Variants in ITFG2 observed in about 807,000 individuals in gnomAD.
ITFG2 encodes the protein integrin alpha FG-GAP repeat containing 2.
Under a neutral mutation model 54.4 loss-of-function variants are expected in ITFG2, and 36 were observed. The observed-to-expected ratio is 0.66, with a 90% CI of 0.51 to 0.87. The LOEUF (loss-of-function observed/expected upper bound fraction) is 0.87, where lower values mean the gene tolerates loss of function less well. Ranked by LOEUF, ITFG2 falls within the 40% of genes least tolerant of loss-of-function variation. The pLI is 0.00. For missense variants in ITFG2, 524 were observed against 576.7 expected, an observed-to-expected ratio of 0.91 and a Z score of 0.94; for synonymous variants, 211 against 225.4, an observed-to-expected ratio of 0.94 and a Z score of 0.57.
At chr12:2,841,751 C>T (rs1162267465) in intron 2 of ITFG2, among the ~76,000 whole-genome samples, 1 of 151,994 alleles carries the variant, frequency 6.6e-6, no homozygotes, top group Non-Finnish European at 1.5e-5. Flanking sequence ...CAGAGTCTCA[C>T]CCTGTCACCC....
At chr12:2,816,700 G>A (rs1362355061) in intron 1 of ITFG2, among the ~76,000 whole-genome samples, 1 of 142,340 alleles carries the variant, frequency 7.0e-6, no homozygotes, top group East Asian at 2.0e-4. Context: ...GTACAGTGGT[G>A]CAGTCTTGCT....
At chr12:2,828,181 CTCTGCCAGAG>C (rs2097979259), downstream of ITFG2, 2 of 1,164,630 alleles carry the variant, frequency 1.7e-6, no homozygotes, top group Non-Finnish European at 2.5e-6. Flanking sequence ...TCCTTGCCTT[CTCTGCCAGAG>C]TCTTCTAGCC....
At chr12:2,859,614 C>T in exon 4 of ITFG2, 1 of 1,612,674 alleles carries the variant, frequency 6.2e-7, no homozygotes, top group Non-Finnish European at 8.5e-7. Context: ...CTCCTCTTTC[C>T]CTGGTCCTGC....
Position 2,817,205 on chromosome 12 carries a change from TTC to T in ITFG2, c.97-11_97-10del, listed in dbSNP as rs1355665703. On this transcript the variant is annotated splice_polypyrimidine_tract_variant and intron_variant, in intron 1 of 11. Coordinates refer to ENST00000228799, the MANE Select transcript of ITFG2 (RefSeq NM_018463.4). Reference sequence around the variant, plus strand: ...AGCAGAGTCCCATCCTAACGCTTTCTTCTCTCTCCATTTGAAGTTAAATGAAC... The same window carrying T: ...AGCAGAGTCCCATCCTAACGCTTTCTTCTCTCCATTTGAAGTTAAATGAAC... The T allele has an allele frequency of 1.3e-6, 2 of 1,577,226 alleles. No individual in the cohort carries two copies. The highest frequency in any genetic ancestry group is 8.7e-7 in the Non-Finnish European group (1 of 1,147,646).
intron 3 of ITFG2, chr12:2,859,298 A>T (rs866753485): frequency 6.2e-7 from 1 of 1,613,392 alleles, no homozygotes; most frequent in Middle Eastern, 1.6e-4. Context: ...GTTTTCTCCG[A>T]GACCGGCTCC....
intron 3 of ITFG2, chr12:2,859,455 G>T: frequency 6.2e-7 from 1 of 1,613,974 alleles, no homozygotes. Flanking sequence ...TTTGAAAGAT[G>T]GGGCCGGGGA....
upstream of ITFG2, among the ~76,000 whole-genome samples, chr12:2,834,123 A>G (rs2098016489): frequency 6.6e-6 from 1 of 152,160 alleles, no homozygotes; most frequent in South Asian, 2.1e-4. Flanking sequence ...GGGGAGCAGC[A>G]CTCAAGGCGG....
At position 2,845,922 on chromosome 12, in the gene ITFG2, A is replaced by G. The variant is rs2098052210; in HGVS notation, n.300+4927A>G. ...TCACTGTATTCCCCAGGCTGGTCTG[A>G]AACTCCTGGGCTCAAGCGATCCTCC... is the stretch of plus-strand genomic sequence containing the variant. On this transcript the variant is annotated intron_variant and non_coding_transcript_variant, in intron 2 of 3. Coordinates refer to the ITFG2 transcript ENST00000537710. The surrounding 1 kb of genome is among the most constrained non-coding windows in gnomAD (Gnocchi z 4.2). Among the ~76,000 whole-genome samples, 1 of 151,934 alleles carries G rather than the reference A, an allele frequency of 6.6e-6. No homozygotes were observed. Among genetic ancestry groups the G allele is most frequent in the South Asian group, 2.1e-4 (1 of 4,818 alleles).
chr12:2,835,156 C>CGTTTGTGTGTGTGTGTGTGT, upstream of ITFG2: 2 of 1,299,384 alleles, frequency 1.5e-6, no homozygotes, highest in East Asian at 7.7e-5. Context: ...GTGGATGGGG[C>CGTTTGTGTGTGTGTGTGTGT]GTATGTGTGT....
chr12:2,820,623 C>A, intron 5 of ITFG2, 101 bp from the exon 6 acceptor site: 1 of 362,822 alleles, frequency 2.8e-6, no homozygotes, highest in South Asian at 2.3e-5. Flanking sequence ...TGCTGCCCTG[C>A]CCCTGCCCCC....
rs754297850 is a variant in ITFG2 at position 2,821,365 on chromosome 12, AGT to A, written c.793+10_793+11del. 3.1e-6 allele frequency: 5 copies of A among 1,602,860 alleles called. No homozygotes were observed. The highest frequency in any genetic ancestry group is 1.7e-4 in the Middle Eastern group (1 of 6,000). On this transcript the variant is annotated splice_region_variant and intron_variant, in intron 7 of 11. Transcript: ENST00000228799. The stretch of plus-strand genomic sequence containing the variant: ...AATTGGCAACATCAAACAAGGTGAA[AGT>A]GTGGTGGGTGTGAGGGAGGGAGATG...
chr12:2,858,735 C>A, intron 3 of ITFG2: 2 of 1,614,204 alleles, frequency 1.2e-6, no homozygotes, highest in Non-Finnish European at 1.7e-6. Context: ...CAGGATCTTG[C>A]TGAGGCTGTC....
chr12:2,826,650 G>T (rs2097968679), downstream of ITFG2: 1 of 158,624 alleles, frequency 6.3e-6, no homozygotes, highest in African/African-American at 2.4e-5. Context: ...CCCGCTCTTT[G>T]TTGTATTGAA....
At chr12:2,816,330 CTT>C (rs34665036) in intron 1 of ITFG2, among the ~76,000 whole-genome samples, 63 of 120,372 alleles carry the variant, frequency 5.2e-4, no homozygotes, top group Admixed American at 2.4e-3. Context: ...CGCACACAGC[CTT>C]TTTTTTTTTT....
At chr12:2,836,867 G>C (rs1347539758) in exon 1 of ITFG2, 2 of 152,270 alleles carry the variant, frequency 1.3e-5, no homozygotes, top group South Asian at 4.1e-4. Flanking sequence ...AGAAGCCAGG[G>C]GAGAGGCGTG....
At chr12:2,843,690 A>C (rs1432175825) in intron 2 of ITFG2, among the ~76,000 whole-genome samples, 1 of 152,064 alleles carries the variant, frequency 6.6e-6, no homozygotes, top group Non-Finnish European at 1.5e-5. Context: ...GCGTGCGCCC[A>C]TAGTCCCAGC....
At chr12:2,858,656 A>G (rs2098097745) in intron 3 of ITFG2, 1 of 1,613,982 alleles carries the variant, frequency 6.2e-7, no homozygotes, top group East Asian at 2.2e-5. Context: ...GCTCAGGAAT[A>G]AACTGGGACC....
At position 2,845,029 on chromosome 12, in the gene ITFG2, G is replaced by C. The variant is rs1034339524; in HGVS notation, n.300+4034G>C. ...ACTAACATAAGTGGAGCAGCTATGT[G>C]AAGAGCCACGGGAACCGCTACCTGT... is the stretch of plus-strand genomic sequence containing the variant. On this transcript the variant is annotated intron_variant and non_coding_transcript_variant, in intron 2 of 3. Transcript: ENST00000537710. This position sits in a 1 kb window ranked among gnomAD's most constrained non-coding sequence, Gnocchi z 4.2. Among the ~76,000 whole-genome samples the C allele has an allele frequency of 2.6e-5, 4 of 152,190 alleles. No individual in the cohort carries two copies.
Position 2,825,048 on chromosome 12 carries a change from A to T in ITFG2, c.*855A>T, listed in dbSNP as rs181524032. On this transcript the variant is annotated 3_prime_UTR_variant, in exon 12 of 12. Transcript: ENST00000228799. ...AGCATTTTTTAAATAGGTAGAATAG[A>T]ATAAAGTAAAATAGAAAATAGCAGA... 3.3e-5 allele frequency: 5 copies of T among 152,422 alleles called. No homozygotes were observed. Among genetic ancestry groups the T allele is most frequent in the Admixed American group, 6.5e-5 (1 of 15,306 alleles). 9.4% of individuals were successfully genotyped at this position (152,422 alleles called of 1,614,324 possible).
Sources: gnomAD v4.1 joint callset for allele counts (sites outside exome capture counted in the v4.1 genomes callset) on GRCh38, gnomAD v4.1.1 for gene constraint, Gnocchi (gnomAD v3.1) non-coding constraint, MANE v1.5 for transcripts, NCBI Gene and HGNC (gene_info 2026-07-23, HGNC 2026-07-21) for gene names.